PTPRN: variants seen among roughly 807,000 people sequenced by gnomAD.
The protein encoded by PTPRN is protein tyrosine phosphatase receptor type N, also known as receptor-type tyrosine-protein phosphatase-like N.
PTPRN carries 70 observed loss-of-function variants against 108.5 expected under a neutral mutation model. The observed-to-expected ratio is 0.65, with a 90% confidence interval of 0.53 to 0.79. The LOEUF (loss-of-function observed/expected upper bound fraction) is 0.79. PTPRN is among the 30% of genes least tolerant of loss of function. The pLI is 0.00. For missense variants in PTPRN, 1,136 were observed against 1,295.5 expected, an observed-to-expected ratio of 0.88 and a Z score of 1.89; for synonymous variants, 496 against 524.6, an observed-to-expected ratio of 0.95 and a Z score of 0.75.
At chr2:219,291,411 G>A (rs1008753591) in intron 20 of PTPRN, 59 bp downstream of exon 20, 33 of 1,564,352 alleles carry the variant, frequency 2.1e-5, no homozygotes, top group Non-Finnish European at 2.6e-5. Flanking sequence ...GGCAGGCAAT[G>A]TGCACAGGAG....
At chr2:219,294,068 C>T (rs777742264) in intron 19 of PTPRN, 47 of 521,410 alleles carry the variant, frequency 9.0e-5, no homozygotes, top group Admixed American at 4.4e-4. Flanking sequence ...GCTCCCAGCT[C>T]GGGGTGGTCC....
In PTPRN at chr2:219,290,270, C is replaced by T. The variant is rs139964061; in HGVS notation, c.2896G>A (p.Val966Met). ...KDQFEFALTA[V>M]AEEVNAILKA... is the part of the protein sequence containing the mutation. ...AGGATGGCATTCACTTCCTCCGCCACGGCTGTCAGGGCAAATTCAAACTGG... is the reference window on the plus strand; with the variant it reads ...AGGATGGCATTCACTTCCTCCGCCATGGCTGTCAGGGCAAATTCAAACTGG... Residue 966 changes from valine to methionine, a missense_variant, in exon 23 of 23, where the codon GTG becomes ATG. Val to Met is a conservative substitution (Grantham distance 21). Coordinates refer to ENST00000295718, the MANE Select transcript of PTPRN (RefSeq NM_002846.4). The surrounding 1 kb of genome is among the most constrained non-coding windows in gnomAD (Gnocchi z 4.2). 3.0e-5 allele frequency: 48 copies of T among 1,613,704 alleles called. No individual in the cohort carries two copies. Among genetic ancestry groups the T allele is most frequent in the Middle Eastern group, 1.6e-4 (1 of 6,080 alleles).
chr2:219,294,506 T>G (rs1312704767), intron 19 of PTPRN, among the ~76,000 whole-genome samples: 1 of 141,114 alleles, frequency 7.1e-6, no homozygotes, highest in Non-Finnish European at 1.5e-5. Context: ...CGGAGAGGGA[T>G]GAAGGAGGGA....
rs1326710542 is a variant in PTPRN at position 219,297,658 on chromosome 2, G to A, written c.1888-225C>T. ...GACAGAGTGGAATCCCAGAGCCCCA[G>A]AAGCACAGCACCAAGAAGAACCTTA... On this transcript the variant is annotated intron_variant, in intron 13 of 22. Transcript: ENST00000295718. This position sits in a 1 kb window ranked among gnomAD's most constrained non-coding sequence, Gnocchi z 6.0. 1.3e-5 allele frequency among the ~76,000 whole-genome samples: 2 copies of A among 152,100 alleles called. No homozygotes were observed. Among genetic ancestry groups the A allele is most frequent in the African/African-American group, 4.8e-5 (2 of 41,408 alleles).
At chr2:219,300,327 G>A in intron 8 of PTPRN, 68 bp from the exon 9 acceptor site, 1 of 1,474,234 alleles carries the variant, frequency 6.8e-7, no homozygotes. Flanking sequence ...TGGACTCGGA[G>A]CTCTCCACAG....
chr2:219,302,934 A>G, intron 4 of PTPRN, 97 bp from the exon 5 acceptor site: 1 of 1,467,044 alleles, frequency 6.8e-7, no homozygotes, highest in Non-Finnish European at 9.3e-7. Flanking sequence ...CTCAGCGGTT[A>G]AGAGCAGGCC....
intron 11 of PTPRN, 40 bp downstream of exon 11, chr2:219,299,264 GC>G: frequency 6.2e-7 from 1 of 1,608,418 alleles, no homozygotes; most frequent in Non-Finnish European, 8.5e-7. Flanking sequence ...TAGGAGTGGG[GC>G]TGGGGCCAAG....
chr2:219,301,649 C>T lies in PTPRN; in HGVS notation c.1065G>A (p.Glu355=). ...GCAGGGTCAGGAGTGTGGAGAGCTG[C>T]TCAGGGGTCAGCTGACGCAGCTCTA... ...YGVELRQLTP[E]QLSTLLTLLQ... is the part of the protein sequence containing the mutation. Residue 355 remains glutamate (E), a synonymous_variant, in exon 7 of 23, where the codon GAG becomes GAA. Transcript: ENST00000295718. The T allele has an allele frequency of 1.2e-6, 2 of 1,613,710 alleles. No homozygotes were observed. The highest frequency in any genetic ancestry group is 2.2e-5 in the South Asian group (2 of 91,072).
At chr2:219,306,368 G>C (rs922813482) in intron 3 of PTPRN, among the ~76,000 whole-genome samples, 1 of 152,134 alleles carries the variant, frequency 6.6e-6, no homozygotes, top group Non-Finnish European at 1.5e-5. Flanking sequence ...GTTTGTTTTA[G>C]TAAAGTGAAA....
At chr2:219,308,886 C>T (rs1381902745) in intron 1 of PTPRN, 2 of 1,352,842 alleles carry the variant, frequency 1.5e-6, no homozygotes, top group Non-Finnish European at 2.0e-6. Context: ...CACCACCTCC[C>T]AGGCGCCTCG....
intron 1 of PTPRN, 151 bp downstream of exon 1, chr2:219,309,067 G>T: frequency 6.8e-7 from 1 of 1,467,906 alleles, no homozygotes; most frequent in Non-Finnish European, 9.1e-7. Flanking sequence ...CCTCCGAGAC[G>T]CCCTCTCACC....
intron 19 of PTPRN, among the ~76,000 whole-genome samples, chr2:219,293,459 T>A (rs1308776301): frequency 6.6e-6 from 1 of 152,118 alleles, no homozygotes; most frequent in Non-Finnish European, 1.5e-5. Flanking sequence ...GGATTACAGG[T>A]GTGAACCACC....
intron 18 of PTPRN, chr2:219,295,535 G>T (rs541026255): frequency 1.3e-4 from 21 of 167,076 alleles, no homozygotes; most frequent in African/African-American, 4.5e-4. Context: ...TGCTTATTTG[G>T]TGGGGAAAAA....
rs771070266 is a variant in PTPRN, at chr2:219,307,782, C to G, written c.166+10G>C. 2.5e-6 allele frequency: 4 copies of G among 1,613,804 alleles called. No individual in the cohort carries two copies. In the South Asian group the frequency reaches 3.3e-5, roughly 13 times the overall value. ...CGATCTTGTGAGTTCTATGCTTGGG[C>G]CTCACTCACCCTGAATACAGACTTC... On this transcript the variant is annotated intron_variant, in intron 2 of 22. Transcript: ENST00000295718.
In PTPRN at chr2:219,295,053, G is replaced by A. The variant is rs1952152496; in HGVS notation, c.2597C>T (p.Thr866Met). 1.2e-6 allele frequency: 2 copies of A among 1,613,418 alleles called. No individual in the cohort carries two copies. The highest frequency in any genetic ancestry group is 2.2e-5 in the East Asian group (1 of 44,836). Reference protein sequence around the residue: ...LKNVQTQETRTLTQFHFLSWP... With the variant: ...LKNVQTQETRMLTQFHFLSWP... ...GCTGAGGAAGTGGAACTGCGTGAGC[G>A]TGCGCGTCTCCTGGGTCTGCACGTT... Residue 866 changes from threonine to methionine, a missense_variant, in exon 19 of 23, where the codon ACG (threonine) becomes ATG (methionine). Physicochemically the swap from Thr to Met is moderately conservative, Grantham distance 81 (BLOSUM62 -1). Transcript: ENST00000295718.
Position 219,297,307 on chromosome 2 carries a change from G to A in PTPRN, c.2014C>T (p.His672Tyr). 1 of 1,614,084 alleles carries A rather than the reference G, an allele frequency of 6.2e-7. No homozygotes were observed. Among genetic ancestry groups the A allele is most frequent in the Non-Finnish European group, 8.5e-7 (1 of 1,180,044 alleles). Reference protein sequence around the residue: ...SDAAQASPSSHSSTPSWCEEP... With the variant: ...SDAAQASPSSYSSTPSWCEEP... The stretch of plus-strand genomic sequence containing the variant: ...TCGCACCAGGACGGGGTGCTGCTGT[G>A]GGAGCTGGGGCTGGCCTGGGCTGCG... The change falls in exon 14 of 23, where the codon CAC becomes TAC. Residue 672 changes from histidine to tyrosine, a missense_variant. His to Tyr is a moderately conservative substitution (Grantham distance 83). Coordinates refer to ENST00000295718, the MANE Select transcript of PTPRN (RefSeq NM_002846.4). The surrounding 1 kb of genome is among the most constrained non-coding windows in gnomAD (Gnocchi z 6.0).
Position 219,307,426 on chromosome 2 carries a change from A to G in PTPRN, c.280+18T>C. 6.2e-7 allele frequency: 1 copy of G among 1,601,964 alleles called. No homozygotes were observed. The highest frequency in any genetic ancestry group is 8.5e-7 in the Non-Finnish European group (1 of 1,170,184). On this transcript the variant is annotated intron_variant, in intron 3 of 22. Transcript: ENST00000295718. ...AACCAAGTTCCAATCTCTCTCCTCC[A>G]GTGCACCCAGACCTTACCTTGGGAC...
Position 219,297,223 on chromosome 2 carries a change from C to G in PTPRN, c.2088+10G>C, listed in dbSNP as rs1190966826. The G allele has an allele frequency of 6.2e-7, 1 of 1,613,092 alleles. No individual in the cohort carries two copies. Among genetic ancestry groups the G allele is most frequent in the East Asian group, 2.2e-5 (1 of 44,878 alleles). On this transcript the variant is annotated intron_variant, in intron 14 of 22. Transcript: ENST00000295718. This position sits in a 1 kb window ranked among gnomAD's most constrained non-coding sequence, Gnocchi z 6.0. Reference sequence around the variant, plus strand: ...CCTTCACCCACTCTGGGCCCAGGCCCTGTCCTGACCAGAATCATGTGTCCC... The same window carrying G: ...CCTTCACCCACTCTGGGCCCAGGCCGTGTCCTGACCAGAATCATGTGTCCC...
intron 3 of PTPRN, among the ~76,000 whole-genome samples, chr2:219,305,762 C>T (rs1276347802): frequency 2.0e-5 from 3 of 152,178 alleles, no homozygotes; most frequent in Non-Finnish European, 4.4e-5. Context: ...TCAACATATT[C>T]AAAGCTGAAC....
Sources: allele counts gnomAD v4.1 joint callset (sites outside exome capture counted in the v4.1 genomes callset), GRCh38; gene constraint gnomAD v4.1.1; non-coding constraint Gnocchi (gnomAD v3.1); transcripts MANE v1.5; gene names NCBI Gene and HGNC (gene_info 2026-07-23, HGNC 2026-07-21).